Variants in PRTFDC1 observed in about 807,000 individuals in gnomAD.
The protein encoded by PRTFDC1 is phosphoribosyl transferase domain containing 1.
Under a neutral mutation model 34.6 loss-of-function variants are expected in PRTFDC1, and 38 were observed. That is an observed-to-expected ratio of 1.10 (90% CI 0.85 to 1.44). PRTFDC1 has a LOEUF of 1.44. Among genes scored for constraint, PRTFDC1 ranks in the 40% most tolerant of loss-of-function variants. The pLI, the probability that PRTFDC1 is intolerant of heterozygous loss-of-function variation, is 0.00. For synonymous variants in PRTFDC1, 93 were observed against 98.1 expected (o/e 0.95, Z 0.31); for missense variants, 270 against 283.0 (o/e 0.95, Z 0.33).
At chr10:24,945,119 C>T (rs1588627678) in intron 1 of PRTFDC1, among the ~76,000 whole-genome samples, 1 of 152,304 alleles carries the variant, frequency 6.6e-6, no homozygotes, top group East Asian at 1.9e-4. Context: ...GCAAAGACGC[C>T]TTCCCTGACC....
chr10:24,910,836 A>G (rs1564310022), intron 3 of PRTFDC1, among the ~76,000 whole-genome samples: 1 of 152,148 alleles, frequency 6.6e-6, no homozygotes, highest in Non-Finnish European at 1.5e-5. Flanking sequence ...TTACCAAATC[A>G]GGCACCCTGA....
chr10:24,892,844 C>T (rs894482940), intron 3 of PRTFDC1, among the ~76,000 whole-genome samples: 7 of 152,120 alleles, frequency 4.6e-5, no homozygotes, highest in Non-Finnish European at 8.8e-5. Flanking sequence ...AGTGTTGGTA[C>T]CACTGGCAAG....
chr10:24,855,256 A>C, intron 7 of PRTFDC1, 62 bp downstream of exon 7: 1 of 1,514,398 alleles, frequency 6.6e-7, no homozygotes, highest in African/African-American at 1.4e-5. Context: ...CTTAAACATA[A>C]AATGAAACAC....
At chr10:24,853,678 G>C (rs549077357) in intron 7 of PRTFDC1, among the ~76,000 whole-genome samples, 120 of 152,178 alleles carry the variant, frequency 7.9e-4, no homozygotes, top group African/African-American at 2.8e-3. Flanking sequence ...ACTTTATAGG[G>C]AGCAATGCAA....
chr10:24,871,459 A>T (rs929796447), intron 4 of PRTFDC1, among the ~76,000 whole-genome samples: 3 of 152,174 alleles, frequency 2.0e-5, no homozygotes, highest in African/African-American at 7.2e-5. Flanking sequence ...CAGATTTGGA[A>T]CTCCAAGTTA....
chr10:24,857,148 A>G, intron 5 of PRTFDC1, 153 bp from the exon 6 acceptor site: 1 of 684,264 alleles, frequency 1.5e-6, no homozygotes, highest in Non-Finnish European at 2.6e-6. Flanking sequence ...GTTATGTTTT[A>G]TTTAGACAGG....
chr10:24,945,065 G>A (rs1849232416), intron 1 of PRTFDC1, among the ~76,000 whole-genome samples: 1 of 152,138 alleles, frequency 6.6e-6, no homozygotes, highest in Non-Finnish European at 1.5e-5. Flanking sequence ...ATTTCCACAT[G>A]GCTGTCCTCT....
At chr10:24,918,880 C>T (rs1588613826) in intron 3 of PRTFDC1, among the ~76,000 whole-genome samples, 1 of 152,062 alleles carries the variant, frequency 6.6e-6, no homozygotes, top group African/African-American at 2.4e-5. Context: ...GGTAATGGGG[C>T]CCTCCTTCTG....
At chr10:24,928,507 A>T (rs951782702) in intron 3 of PRTFDC1, among the ~76,000 whole-genome samples, 5 of 152,062 alleles carry the variant, frequency 3.3e-5, no homozygotes, top group Non-Finnish European at 7.4e-5. Flanking sequence ...GCAGTGGCAC[A>T]ATCTCAACTC....
At chr10:24,870,900 C>T (rs754939951) in intron 4 of PRTFDC1, among the ~76,000 whole-genome samples, 40 of 151,478 alleles carry the variant, frequency 2.6e-4, no homozygotes, top group Middle Eastern at 6.8e-3. Context: ...GGTGAAACCC[C>T]GTCTCTACTA....
At chr10:24,934,677 G>A (rs147169307) in intron 3 of PRTFDC1, among the ~76,000 whole-genome samples, 39 of 152,204 alleles carry the variant, frequency 2.6e-4, no homozygotes, top group Admixed American at 9.8e-4. Flanking sequence ...GGAAGCTGCC[G>A]CTTCTAGTTG....
intron 3 of PRTFDC1, among the ~76,000 whole-genome samples, chr10:24,931,550 A>T (rs927935874): frequency 6.6e-6 from 1 of 151,952 alleles, no homozygotes; most frequent in African/African-American, 2.4e-5. Context: ...GAAAGAGAGA[A>T]TATCACTACA....
intron 4 of PRTFDC1, 98 bp from the exon 5 acceptor site, chr10:24,858,507 C>A (rs547500727): frequency 8.1e-7 from 1 of 1,231,356 alleles, no homozygotes; most frequent in South Asian, 1.3e-5. Flanking sequence ...TCACAATTTA[C>A]TTAGACGGTC....
intron 4 of PRTFDC1, among the ~76,000 whole-genome samples, chr10:24,868,775 T>C (rs1383251233): frequency 1.5e-5 from 2 of 132,558 alleles, no homozygotes; most frequent in Admixed American, 1.6e-4. Flanking sequence ...CACTAACTGT[T>C]GGGTGCCTTT....
At chr10:24,904,589 C>T (rs1171102144) in intron 3 of PRTFDC1, among the ~76,000 whole-genome samples, 1 of 152,164 alleles carries the variant, frequency 6.6e-6, no homozygotes, top group Non-Finnish European at 1.5e-5. Context: ...TCAATGCCAC[C>T]TCTTGGATCA....
intron 3 of PRTFDC1, among the ~76,000 whole-genome samples, chr10:24,899,237 C>T (rs1187728350): frequency 6.6e-6 from 1 of 152,084 alleles, no homozygotes; most frequent in African/African-American, 2.4e-5. Flanking sequence ...CAGGGAGCCA[C>T]CCCCCAATTT....
In PRTFDC1 at chr10:24,906,104, T is replaced by A. The variant is rs369391188; in HGVS notation, c.339+31080A>T. 2.6e-5 allele frequency among the ~76,000 whole-genome samples: 4 copies of A among 151,996 alleles called. No homozygotes were observed. In the East Asian group the frequency reaches 5.8e-4, roughly 22 times the overall value. On this transcript the variant is annotated intron_variant, in intron 3 of 8. Transcript: ENST00000320152. ...TCCAGGCTGTTCTTTGTAGATCTGG[T>A]CCTGTCACCTCCCATGCATGGCGTG...
intron 3 of PRTFDC1, among the ~76,000 whole-genome samples, chr10:24,934,865 G>A (rs1041861914): frequency 7.9e-5 from 12 of 152,126 alleles, no homozygotes; most frequent in African/African-American, 2.9e-4. Flanking sequence ...GAATAAATCT[G>A]TTGAAATATT....
At chr10:24,883,722 T>A (rs1446063399) in intron 3 of PRTFDC1, among the ~76,000 whole-genome samples, 1 of 151,630 alleles carries the variant, frequency 6.6e-6, no homozygotes, top group Non-Finnish European at 1.5e-5. Flanking sequence ...TCTTGACACA[T>A]CTGAATGACC....
Sources: gnomAD v4.1 joint callset for allele counts (sites outside exome capture counted in the v4.1 genomes callset) on GRCh38, gnomAD v4.1.1 for gene constraint, MANE v1.5 for transcripts, NCBI Gene and HGNC (gene_info 2026-07-23, HGNC 2026-07-21) for gene names.